SHISA9: variants seen among roughly 807,000 people sequenced by gnomAD.
SHISA9 encodes protein shisa-9.
Under a neutral mutation model 38.0 loss-of-function variants are expected in SHISA9, and 13 were observed. The observed-to-expected ratio is 0.34, with a 90% CI of 0.22 to 0.54. The LOEUF is 0.54. Among genes scored for constraint, SHISA9 ranks in the 20% least tolerant of loss-of-function variants. SHISA9 has a pLI of 0.91. For missense variants in SHISA9, 538 were observed against 575.8 expected (o/e 0.93, Z 0.67); for synonymous variants, 275 against 242.0 (o/e 1.14, Z -1.27).
the SHISA9 span, among the ~76,000 whole-genome samples, chr16:13,273,092 A>C: frequency 6.6e-6 from 1 of 152,142 alleles, no homozygotes; most frequent in Non-Finnish European, 1.5e-5. Flanking sequence ...ACCCCATTCC[A>C]CTGGCTTCAC....
chr16:13,062,688 CT>C (rs777454853), intron 2 of SHISA9, among the ~76,000 whole-genome samples: 5 of 152,144 alleles, frequency 3.3e-5, no homozygotes, highest in Non-Finnish European at 5.9e-5. Context: ...CCTTTTGCCC[CT>C]GACTAATTTG....
intron 2 of SHISA9, among the ~76,000 whole-genome samples, chr16:12,944,040 G>T (rs1484008776): frequency 6.6e-6 from 1 of 152,080 alleles, no homozygotes; most frequent in Non-Finnish European, 1.5e-5. Context: ...TAGGGTTCCT[G>T]GCCTCTACCC....
the SHISA9 span, among the ~76,000 whole-genome samples, chr16:13,519,720 G>C: frequency 6.6e-6 from 1 of 152,110 alleles, no homozygotes; most frequent in Non-Finnish European, 1.5e-5. Flanking sequence ...AAGAATACAC[G>C]TCCTTCTTCA....
At chr16:13,448,947 A>T in the SHISA9 span, among the ~76,000 whole-genome samples, 4 of 152,200 alleles carry the variant, frequency 2.6e-5, no homozygotes, top group Non-Finnish European at 5.9e-5. Flanking sequence ...TTTTTAGCCC[A>T]GTACTGTCAC....
rs13335693 is a variant in SHISA9 at position 13,040,971 on chromosome 16, C to T, written c.691+124156C>T. On this transcript the variant is annotated intron_variant, in intron 2 of 4. Coordinates refer to ENST00000558583, the MANE Select transcript of SHISA9 (RefSeq NM_001145204.3). ...ACCCAAGTGACCCCCAACCTGGAAA[C>T]GTGTGCTTCTGCTTCAGAGGGTTCC... 4.5e-3 allele frequency among the ~76,000 whole-genome samples: 683 copies of T among 152,316 alleles called. 3 individuals carry two copies. The highest frequency in any genetic ancestry group is 0.016 in the African/African-American group (652 of 41,568).
intron 2 of SHISA9, among the ~76,000 whole-genome samples, chr16:13,054,321 C>A (rs948732276): frequency 2.6e-5 from 4 of 152,186 alleles, no homozygotes; most frequent in Non-Finnish European, 4.4e-5. Flanking sequence ...GTGGCTCCCA[C>A]GGTCTGCTTG....
intron 1 of SHISA9, among the ~76,000 whole-genome samples, chr16:12,914,203 G>A (rs868020732): frequency 4.6e-5 from 7 of 151,638 alleles, no homozygotes; most frequent in Non-Finnish European, 4.4e-5. Context: ...GCTCCACCAC[G>A]CCCGGCTAAT....
the SHISA9 span, among the ~76,000 whole-genome samples, chr16:13,340,571 G>A: frequency 6.6e-6 from 1 of 152,196 alleles, no homozygotes; most frequent in East Asian, 1.9e-4. Flanking sequence ...CTGGAAATCA[G>A]AAGTTGAGTC....
At chr16:13,295,938 G>A in the SHISA9 span, among the ~76,000 whole-genome samples, 2 of 152,132 alleles carry the variant, frequency 1.3e-5, no homozygotes, top group African/African-American at 2.4e-5. Flanking sequence ...GCAAGTCCTC[G>A]TGGGACAAAT....
intron 2 of SHISA9, among the ~76,000 whole-genome samples, chr16:13,072,676 T>C (rs569684172): frequency 1.3e-5 from 2 of 152,240 alleles, no homozygotes; most frequent in African/African-American, 4.8e-5. Context: ...TTTTTTTTTT[T>C]TTGAGACGGA....
chr16:13,024,688 T>G (rs189188877), intron 2 of SHISA9, among the ~76,000 whole-genome samples: 1 of 152,338 alleles, frequency 6.6e-6, no homozygotes, highest in East Asian at 1.9e-4. Context: ...ATTTCACTTC[T>G]CTGAGCCTCA....
chr16:13,460,677 G>C, the SHISA9 span, among the ~76,000 whole-genome samples: 1 of 152,204 alleles, frequency 6.6e-6, no homozygotes, highest in Non-Finnish European at 1.5e-5. Context: ...CTTAGAACAA[G>C]GGTGCTCATG....
the SHISA9 span, among the ~76,000 whole-genome samples, chr16:13,547,933 G>A: frequency 3.3e-5 from 5 of 152,078 alleles, no homozygotes; most frequent in African/African-American, 7.2e-5. Flanking sequence ...AAAGGACAAA[G>A]CTGGTGGCAT....
At chr16:13,545,276 T>G in the SHISA9 span, among the ~76,000 whole-genome samples, 1 of 152,184 alleles carries the variant, frequency 6.6e-6, no homozygotes, top group Non-Finnish European at 1.5e-5. Flanking sequence ...GCACTGCCAG[T>G]TTCACCAAAT....
chr16:13,368,041 T>A, the SHISA9 span, among the ~76,000 whole-genome samples: 1 of 152,208 alleles, frequency 6.6e-6, no homozygotes, highest in African/African-American at 2.4e-5. Context: ...TATCTCCCTC[T>A]AAATGCTAAG....
At chr16:13,363,748 G>T in the SHISA9 span, among the ~76,000 whole-genome samples, 75 of 152,322 alleles carry the variant, frequency 4.9e-4, 1 homozygote, top group African/African-American at 1.8e-3. Context: ...GGATAAGCAT[G>T]CATTGCTTGG....
the SHISA9 span, among the ~76,000 whole-genome samples, chr16:13,428,762 A>ATTTTT: frequency 1.0e-5 from 1 of 97,614 alleles, no homozygotes; most frequent in African/African-American, 3.7e-5. Context: ...ATTTTATTTT[A>ATTTTT]TTGTTTTATT....
At chr16:13,146,732 A>G (rs1318252118) in intron 2 of SHISA9, among the ~76,000 whole-genome samples, 1 of 152,214 alleles carries the variant, frequency 6.6e-6, no homozygotes, top group Non-Finnish European at 1.5e-5. Flanking sequence ...TAACGTTGTC[A>G]GAATCAGGTT....
At chr16:13,232,437 T>TA (rs943012777) in intron 4 of SHISA9, among the ~76,000 whole-genome samples, 23 of 151,914 alleles carry the variant, frequency 1.5e-4, no homozygotes, top group African/African-American at 4.6e-4. Context: ...TAAAGTATAA[T>TA]AAAAAAATTA....
Sources: gnomAD v4.1 joint callset for allele counts (sites outside exome capture counted in the v4.1 genomes callset) on GRCh38, gnomAD v4.1.1 for gene constraint, MANE v1.5 for transcripts, NCBI Gene and HGNC (gene_info 2026-07-23, HGNC 2026-07-21) for gene names.